TRPC4: variants seen among roughly 807,000 people sequenced by gnomAD.
The protein encoded by TRPC4 is transient receptor potential cation channel subfamily C member 4.
TRPC4 carries 49 observed loss-of-function variants against 99.4 expected under a neutral mutation model. That is an observed-to-expected ratio of 0.49 (90% CI 0.39 to 0.63). The LOEUF is 0.63. TRPC4 is among the 20% of genes least tolerant of loss of function. The pLI is 0.00. For missense variants in TRPC4, 898 were observed against 1,152.9 expected (o/e 0.78, Z 3.20); for synonymous variants, 454 against 425.9 (o/e 1.07, Z -0.81).
At position 37,726,013 on chromosome 13, in the gene TRPC4, T is replaced by G. The variant is rs149509658; in HGVS notation, c.897+19924A>C. 8.6e-3 allele frequency among the ~76,000 whole-genome samples: 1,316 copies of G among 152,152 alleles called. 10 individuals carry two copies. Among genetic ancestry groups the G allele is most frequent in the South Asian group, 0.03 (145 of 4,818 alleles). Reference sequence around the variant, plus strand: ...GAGTTGGAGACCAGCATGGCCAATATGGTGAAACCCCTTCTCTACTAAAAA... The same window carrying G: ...GAGTTGGAGACCAGCATGGCCAATAGGGTGAAACCCCTTCTCTACTAAAAA... On this transcript the variant is annotated intron_variant, in intron 3 of 10. Coordinates refer to ENST00000379705, the MANE Select transcript of TRPC4 (RefSeq NM_016179.4).
At chr13:37,665,906 G>T (rs1026256499) in intron 5 of TRPC4, among the ~76,000 whole-genome samples, 3 of 150,774 alleles carry the variant, frequency 2.0e-5, no homozygotes, top group African/African-American at 7.3e-5. Context: ...TTCTGCCCCA[G>T]TGTGATTATT....
Position 37,790,548 on chromosome 13 carries a change from A to T in TRPC4, c.-27-7188T>A, listed in dbSNP as rs544824486. Among the ~76,000 whole-genome samples, 21 of 152,284 alleles carry T rather than the reference A, an allele frequency of 1.4e-4. No homozygotes were observed. The South Asian group carries it at 4.1e-3, about 30-fold the overall frequency. ...ATTTCTGCATGTCTGTTTAGCTGAG[A>T]TAATATTTGCCTACCTGGGCAAGCA... On this transcript the variant is annotated intron_variant, in intron 1 of 10. Coordinates refer to ENST00000379705, the MANE Select transcript of TRPC4 (RefSeq NM_016179.4).
intron 4 of TRPC4, among the ~76,000 whole-genome samples, chr13:37,682,453 C>T (rs1290023656): frequency 6.6e-6 from 1 of 152,218 alleles, no homozygotes; most frequent in Non-Finnish European, 1.5e-5. Context: ...TAGAAACCCA[C>T]TTGTTCTGGA....
intron 1 of TRPC4, among the ~76,000 whole-genome samples, chr13:37,784,325 G>A (rs1231640592): frequency 6.6e-6 from 1 of 151,982 alleles, no homozygotes; most frequent in East Asian, 1.9e-4. Context: ...TTTTTATTTA[G>A]AAGTTAAAGT....
intron 2 of TRPC4, among the ~76,000 whole-genome samples, chr13:37,753,587 GAGAGAGAGAGAGAGAGAGAGAA>G (rs1307769400): frequency 7.7e-6 from 1 of 129,342 alleles, no homozygotes; most frequent in Non-Finnish European, 1.7e-5. Context: ...GAGAGAGAGA[GAGAGAGAGAGAGAGAGAGAGAA>G]AGAAAGAAAG....
chr13:37,752,976 CCA>C (rs4054480), intron 2 of TRPC4, among the ~76,000 whole-genome samples: 74,532 of 150,382 alleles, frequency 0.5, 19,705 homozygotes, highest in Non-Finnish European at 0.6. Flanking sequence ...CTTTCTCCCT[CCA>C]CACACACACA....
intron 3 of TRPC4, among the ~76,000 whole-genome samples, chr13:37,715,573 A>T (rs1273814170): frequency 6.6e-6 from 1 of 152,164 alleles, no homozygotes; most frequent in East Asian, 1.9e-4. Flanking sequence ...GTCCCATCCC[A>T]ATGCACATAT....
chr13:37,811,700 TGCTTA>T (rs1957691377), intron 1 of TRPC4, among the ~76,000 whole-genome samples: 1 of 152,136 alleles, frequency 6.6e-6, no homozygotes, highest in Non-Finnish European at 1.5e-5. Context: ...CAGGGAAGAA[TGCTTA>T]GCACATACAC....
At chr13:37,716,868 G>GT (rs1954686412) in intron 3 of TRPC4, among the ~76,000 whole-genome samples, 1 of 152,034 alleles carries the variant, frequency 6.6e-6, no homozygotes, top group Non-Finnish European at 1.5e-5. Context: ...TGCTTCTCTT[G>GT]TGTACGTCTG....
intron 1 of TRPC4, among the ~76,000 whole-genome samples, chr13:37,858,580 A>G (rs1397969516): frequency 6.6e-6 from 1 of 151,718 alleles, no homozygotes; most frequent in African/African-American, 2.4e-5. Flanking sequence ...TAAACAATGA[A>G]GTACTATTCA....
chr13:37,810,194 C>T (rs1957634945), intron 1 of TRPC4, among the ~76,000 whole-genome samples: 2 of 152,028 alleles, frequency 1.3e-5, no homozygotes, highest in Non-Finnish European at 2.9e-5. Flanking sequence ...CATATTATTA[C>T]ACCTGAGTCT....
At chr13:37,761,644 T>C (rs78705242) in intron 2 of TRPC4, among the ~76,000 whole-genome samples, 19,612 of 151,928 alleles carry the variant, frequency 0.13, 1,454 homozygotes, top group African/African-American at 0.19. Flanking sequence ...TGGTGAAGAT[T>C]AAATGTGAAA....
chr13:37,713,725 C>A (rs185788276), intron 3 of TRPC4, among the ~76,000 whole-genome samples: 36 of 152,172 alleles, frequency 2.4e-4, no homozygotes, highest in Admixed American at 1.2e-3. Context: ...CTCAAAAAAC[C>A]CATGGATGTT....
chr13:37,825,698 T>C (rs1958183548), intron 1 of TRPC4, among the ~76,000 whole-genome samples: 2 of 145,736 alleles, frequency 1.4e-5, no homozygotes, highest in African/African-American at 5.1e-5. Flanking sequence ...TCCAAGTATG[T>C]GGTCAATTTT....
intron 2 of TRPC4, among the ~76,000 whole-genome samples, chr13:37,749,462 C>G (rs1454212701): frequency 6.6e-6 from 1 of 152,088 alleles, no homozygotes. Flanking sequence ...ATTGTCTTAG[C>G]TGGACTCCGT....
intron 3 of TRPC4, among the ~76,000 whole-genome samples, chr13:37,725,388 T>C (rs1955018238): frequency 6.6e-6 from 1 of 151,650 alleles, no homozygotes; most frequent in Non-Finnish European, 1.5e-5. Flanking sequence ...AGAAGCTCAA[T>C]GAGCTCCAAG....
At chr13:37,702,971 TG>T (rs1298717809) in intron 3 of TRPC4, among the ~76,000 whole-genome samples, 3 of 151,918 alleles carry the variant, frequency 2.0e-5, no homozygotes, top group African/African-American at 7.3e-5. Context: ...TGCAATGGGA[TG>T]AAAAAAAATT....
At chr13:37,712,178 T>C (rs1041949118) in intron 3 of TRPC4, among the ~76,000 whole-genome samples, 2 of 152,156 alleles carry the variant, frequency 1.3e-5, no homozygotes, top group African/African-American at 4.8e-5. Context: ...TTCCAGAAGA[T>C]AGGGATTGTG....
At chr13:37,655,761 G>A (rs1432773822) in intron 6 of TRPC4, among the ~76,000 whole-genome samples, 2 of 152,094 alleles carry the variant, frequency 1.3e-5, no homozygotes, top group African/African-American at 4.8e-5. Context: ...GCAGAAGAAA[G>A]TAGTTATAGC....
Sources: allele counts gnomAD v4.1 joint callset (sites outside exome capture counted in the v4.1 genomes callset), GRCh38; gene constraint gnomAD v4.1.1; transcripts MANE v1.5; gene names NCBI Gene and HGNC (gene_info 2026-07-23, HGNC 2026-07-21).